Variants in ROBO1 observed in about 807,000 individuals in gnomAD.
The protein encoded by ROBO1 is roundabout guidance receptor 1.
ROBO1 carries 149 observed loss-of-function variants against 195.9 expected under a neutral mutation model. That is an observed-to-expected ratio of 0.76 (90% CI 0.67 to 0.87). The LOEUF (loss-of-function observed/expected upper bound fraction) is 0.87, where lower values mean the gene tolerates loss of function less well. Ranked by LOEUF, ROBO1 falls within the 40% of genes least tolerant of loss-of-function variation. The probability of loss-of-function intolerance (pLI) is 0.00; values close to 1 mark genes in which losing one functional copy is unlikely to be tolerated. For synonymous variants in ROBO1, 816 were observed against 733.2 expected, an observed-to-expected ratio of 1.11 and a Z score of -1.82; for missense variants, 1,933 against 2,068.3, an observed-to-expected ratio of 0.93 and a Z score of 1.27.
intron 1 of ROBO1, among the ~76,000 whole-genome samples, chr3:79,737,712 AAAGT>A (rs912866103): frequency 2.6e-5 from 4 of 152,172 alleles, no homozygotes; most frequent in African/African-American, 7.2e-5. Flanking sequence ...GGTCTGTCAG[AAAGT>A]AAGTGATTCA....
At chr3:78,969,037 C>G (rs1460209788) in intron 3 of ROBO1, among the ~76,000 whole-genome samples, 1 of 152,156 alleles carries the variant, frequency 6.6e-6, no homozygotes, top group African/African-American at 2.4e-5. Context: ...CTCCAGTAAG[C>G]TGAAATCATC....
intron 3 of ROBO1, among the ~76,000 whole-genome samples, chr3:79,113,166 T>C (rs1029386127): frequency 3.9e-5 from 6 of 152,130 alleles, no homozygotes; most frequent in African/African-American, 1.4e-4. Context: ...TTTATCAGCA[T>C]GTCTGTTTTG....
At chr3:79,512,998 A>G (rs759015274) in intron 2 of ROBO1, 16 of 152,242 alleles carry the variant, frequency 1.1e-4, no homozygotes, top group Non-Finnish European at 1.3e-4. Flanking sequence ...TGACCTTCAC[A>G]TGGAATATTT....
At chr3:78,973,313 G>A (rs1038584760) in intron 3 of ROBO1, among the ~76,000 whole-genome samples, 18 of 150,754 alleles carry the variant, frequency 1.2e-4, no homozygotes, top group African/African-American at 4.4e-4. Context: ...CTTCCATTAA[G>A]CCTTGTTAGA....
intron 2 of ROBO1, among the ~76,000 whole-genome samples, chr3:79,515,226 A>G (rs973368225): frequency 2.6e-5 from 4 of 152,206 alleles, no homozygotes; most frequent in Admixed American, 2.0e-4. Context: ...AGCTTCCTGC[A>G]CTGTTGAACA....
At chr3:79,154,125 T>C (rs186098681) in intron 2 of ROBO1, among the ~76,000 whole-genome samples, 7 of 151,952 alleles carry the variant, frequency 4.6e-5, no homozygotes, top group Admixed American at 1.3e-4. Context: ...AATTGTCTTG[T>C]AATCTAGCAT....
intron 3 of ROBO1, among the ~76,000 whole-genome samples, chr3:79,117,300 G>C (rs1340049937): frequency 6.6e-6 from 1 of 152,038 alleles, no homozygotes; most frequent in East Asian, 1.9e-4. Flanking sequence ...AACCTTGGGG[G>C]TGGAGGTTGC....
intron 1 of ROBO1, among the ~76,000 whole-genome samples, chr3:79,697,021 C>T (rs572346740): frequency 1.1e-4 from 16 of 151,144 alleles, no homozygotes; most frequent in Admixed American, 5.3e-4. Flanking sequence ...GTGACAGAGA[C>T]GTGCTACAAG....
At chr3:79,525,489 A>G (rs1286452412) in intron 2 of ROBO1, among the ~76,000 whole-genome samples, 1 of 148,074 alleles carries the variant, frequency 6.8e-6, no homozygotes, top group Non-Finnish European at 1.5e-5. Context: ...TTTTACATGT[A>G]TATTTTATCC....
intron 4 of ROBO1, among the ~76,000 whole-genome samples, chr3:78,837,900 T>A (rs2032880616): frequency 6.6e-6 from 1 of 152,210 alleles, no homozygotes; most frequent in Non-Finnish European, 1.5e-5. Context: ...GCATAATGCT[T>A]AATTCTGATT....
intron 3 of ROBO1, among the ~76,000 whole-genome samples, chr3:79,054,123 A>G (rs964952273): frequency 2.0e-5 from 3 of 152,084 alleles, no homozygotes; most frequent in Admixed American, 2.0e-4. Context: ...GGCTCAGCTA[A>G]ATCGGACTAA....
At chr3:79,767,496 A>G (rs1705060938) in intron 1 of ROBO1, among the ~76,000 whole-genome samples, 1 of 152,202 alleles carries the variant, frequency 6.6e-6, no homozygotes, top group Non-Finnish European at 1.5e-5. Context: ...GCAAGGAAGA[A>G]ACAAACATCG....
At chr3:78,776,124 T>C (rs577972146) in intron 4 of ROBO1, among the ~76,000 whole-genome samples, 13 of 152,330 alleles carry the variant, frequency 8.5e-5, no homozygotes, top group Middle Eastern at 3.4e-3. Context: ...AAAAGATTTT[T>C]ATCCATAGCA....
chr3:79,481,515 T>G (rs1469202451), intron 2 of ROBO1, among the ~76,000 whole-genome samples: 1 of 152,204 alleles, frequency 6.6e-6, no homozygotes, highest in Admixed American at 6.5e-5. Flanking sequence ...AATTAGTCTA[T>G]TAATGCATTC....
intron 4 of ROBO1, among the ~76,000 whole-genome samples, chr3:78,824,987 T>G (rs1481651958): frequency 6.6e-6 from 1 of 152,184 alleles, no homozygotes; most frequent in Non-Finnish European, 1.5e-5. Flanking sequence ...TGTTTCACTT[T>G]TTTTAACCCT....
At chr3:79,381,355 C>CAAAAAAAAAAAAA (rs61680946) in intron 2 of ROBO1, among the ~76,000 whole-genome samples, 1 of 60,712 alleles carries the variant, frequency 1.6e-5, no homozygotes, top group East Asian at 4.7e-4. Context: ...AACTCCGTCT[C>CAAAAAAAAAAAAA]AAAAAAAAAA....
intron 2 of ROBO1, among the ~76,000 whole-genome samples, chr3:79,320,411 C>T (rs566706563): frequency 3.9e-5 from 6 of 152,298 alleles, no homozygotes; most frequent in African/African-American, 1.4e-4. Flanking sequence ...TCGCTGCAGC[C>T]TTGACCTCCT....
intron 1 of ROBO1, among the ~76,000 whole-genome samples, chr3:79,622,404 T>C (rs1028924083): frequency 1.3e-5 from 2 of 152,218 alleles, no homozygotes; most frequent in African/African-American, 2.4e-5. Flanking sequence ...CAGCTGGTAC[T>C]GGGACTCACA....
intron 4 of ROBO1, among the ~76,000 whole-genome samples, chr3:78,865,630 C>A (rs1212625441): frequency 6.6e-6 from 1 of 151,928 alleles, no homozygotes; most frequent in Admixed American, 6.6e-5. Context: ...TGCCACCACA[C>A]CCAGCTAATT....
Sources: gnomAD v4.1 joint callset for allele counts (sites outside exome capture counted in the v4.1 genomes callset) on GRCh38, gnomAD v4.1.1 for gene constraint, MANE v1.5 for transcripts, NCBI Gene and HGNC (gene_info 2026-07-23, HGNC 2026-07-21) for gene names.